Variants in DCDC1 observed in about 807,000 individuals in gnomAD.
DCDC1 encodes doublecortin domain containing 1.
A neutral mutation model predicts 178.3 loss-of-function variants in DCDC1; 200 were observed. The observed-to-expected ratio is 1.12, with a 90% CI of 1.00 to 1.26. The LOEUF (loss-of-function observed/expected upper bound fraction) is 1.26, where lower values mean the gene tolerates loss of function less well. DCDC1 is among the 50% of genes most tolerant of loss of function. The pLI, the probability that DCDC1 is intolerant of heterozygous loss-of-function variation, is 0.00. For missense variants in DCDC1, 1,983 were observed against 1,749.2 expected (o/e 1.13, Z -2.38); for synonymous variants, 690 against 604.8 (o/e 1.14, Z -2.07).
intron 3 of DCDC1, among the ~76,000 whole-genome samples, chr11:31,323,274 C>T (rs545703238): frequency 2.0e-5 from 3 of 152,190 alleles, no homozygotes; most frequent in Admixed American, 6.5e-5. Flanking sequence ...TAAGTTATCA[C>T]ACAATTTGGA....
At chr11:31,119,207 T>G (rs208073) in intron 11 of DCDC1, among the ~76,000 whole-genome samples, 90,152 of 152,030 alleles carry the variant, frequency 0.59, 27,175 homozygotes, top group East Asian at 0.93. Context: ...TCCAATATTT[T>G]CCTACTATCG....
rs187826304 is a variant in DCDC1 at position 31,146,103 on chromosome 11, C to T, written c.1222-8319G>A. Reference sequence around the variant, plus strand: ...TTTTTTTTTTTTTGAGAAGGAGTCTCGCTCTGTTGCCCAGACTAGAGTGCA... The same window carrying T: ...TTTTTTTTTTTTTGAGAAGGAGTCTTGCTCTGTTGCCCAGACTAGAGTGCA... On this transcript the variant is annotated intron_variant, in intron 9 of 38. Transcript: ENST00000684477. 7.7e-4 allele frequency among the ~76,000 whole-genome samples: 111 copies of T among 144,260 alleles called. 1 individual carries two copies. The East Asian group carries it at 0.011, about 15-fold the overall frequency. 94.6% of individuals were successfully genotyped at this position (144,260 alleles called of 152,430 possible). A position where few individuals can be genotyped will look rare whatever the true frequency, so the allele number is the denominator to read the frequency against.
At chr11:31,075,107 C>T (rs1341650493) in intron 18 of DCDC1, among the ~76,000 whole-genome samples, 1 of 152,148 alleles carries the variant, frequency 6.6e-6, no homozygotes, top group Non-Finnish European at 1.5e-5. Flanking sequence ...TCCATGTGTA[C>T]ACATTATTTA....
chr11:31,180,401 G>T (rs546629315), intron 9 of DCDC1, among the ~76,000 whole-genome samples: 3 of 152,254 alleles, frequency 2.0e-5, no homozygotes, highest in South Asian at 4.2e-4. Context: ...ATTAAATTGG[G>T]GGGCTGGCAA....
At chr11:30,939,863 T>G (rs994061527) in intron 21 of DCDC1, among the ~76,000 whole-genome samples, 9 of 152,204 alleles carry the variant, frequency 5.9e-5, no homozygotes, top group Non-Finnish European at 1.0e-4. Flanking sequence ...CTATGTTTAG[T>G]AGAATTTGTC....
intron 20 of DCDC1, among the ~76,000 whole-genome samples, chr11:31,052,839 C>G (rs543143736): frequency 6.6e-6 from 1 of 152,164 alleles, no homozygotes; most frequent in South Asian, 2.1e-4. Context: ...AAAGGCAGTG[C>G]TAAGAGGAAA....
At chr11:31,015,735 T>G (rs750291848) in intron 20 of DCDC1, among the ~76,000 whole-genome samples, 1 of 152,148 alleles carries the variant, frequency 6.6e-6, no homozygotes, top group Non-Finnish European at 1.5e-5. Flanking sequence ...TCAGTAGAAA[T>G]AGTTTTCTCT....
At chr11:31,324,062 C>T (rs916265965) in intron 3 of DCDC1, among the ~76,000 whole-genome samples, 1 of 152,084 alleles carries the variant, frequency 6.6e-6, no homozygotes, top group Admixed American at 6.6e-5. Context: ...GTTTTTCCAA[C>T]TGCAGAGCAA....
At chr11:30,948,488 G>A (rs1214368419) in intron 21 of DCDC1, among the ~76,000 whole-genome samples, 1 of 152,142 alleles carries the variant, frequency 6.6e-6, no homozygotes, top group Non-Finnish European at 1.5e-5. Context: ...TTTCTTCACA[G>A]AAGTAGAAAA....
intron 6 of DCDC1, among the ~76,000 whole-genome samples, chr11:31,294,626 GA>G (rs1947480335): frequency 1.3e-4 from 1 of 7,964 alleles, no homozygotes; most frequent in Non-Finnish European, 2.6e-4. Flanking sequence ...GAGGGGAGGG[GA>G]GGGAGGGAAG....
intron 9 of DCDC1, among the ~76,000 whole-genome samples, chr11:31,225,704 T>G (rs1974857086): frequency 6.7e-6 from 1 of 149,980 alleles, no homozygotes; most frequent in Admixed American, 6.7e-5. Context: ...TATATATATA[T>G]CTAGGTAGAT....
intron 20 of DCDC1, among the ~76,000 whole-genome samples, chr11:31,007,220 A>T (rs958124174): frequency 6.6e-6 from 1 of 152,244 alleles, no homozygotes; most frequent in Non-Finnish European, 1.5e-5. Context: ...TGGGACAAGA[A>T]AAGGAGTTTC....
chr11:30,957,402 A>C (rs577252412), intron 20 of DCDC1, among the ~76,000 whole-genome samples: 1 of 152,158 alleles, frequency 6.6e-6, no homozygotes, highest in Non-Finnish European at 1.5e-5. Flanking sequence ...TGAAACTCCA[A>C]TGAAACTGCC....
chr11:31,288,817 C>CT (rs1947020881), intron 7 of DCDC1, among the ~76,000 whole-genome samples: 1 of 151,780 alleles, frequency 6.6e-6, no homozygotes, highest in African/African-American at 2.4e-5. Context: ...ATCAACAACA[C>CT]TTTCAAAATT....
At chr11:31,048,265 T>A (rs987278488) in intron 20 of DCDC1, among the ~76,000 whole-genome samples, 3 of 152,198 alleles carry the variant, frequency 2.0e-5, no homozygotes, top group Admixed American at 2.0e-4. Flanking sequence ...GAGAAATTAA[T>A]GCATATTAGC....
chr11:31,345,458 A>C (rs983238885), intron 1 of DCDC1, among the ~76,000 whole-genome samples: 1 of 152,108 alleles, frequency 6.6e-6, no homozygotes, highest in Non-Finnish European at 1.5e-5. Flanking sequence ...CTATATTCAC[A>C]TGCATCCTGT....
At chr11:30,952,120 G>A (rs971900782) in intron 21 of DCDC1, among the ~76,000 whole-genome samples, 1 of 152,180 alleles carries the variant, frequency 6.6e-6, no homozygotes, top group African/African-American at 2.4e-5. Context: ...AGTGACTAGA[G>A]CTAGTGACAG....
At chr11:31,127,148 G>A (rs1961753450) in intron 11 of DCDC1, among the ~76,000 whole-genome samples, 1 of 152,150 alleles carries the variant, frequency 6.6e-6, no homozygotes, top group Non-Finnish European at 1.5e-5. Flanking sequence ...TTTAGAAACT[G>A]AAATATGCCA....
intron 9 of DCDC1, among the ~76,000 whole-genome samples, chr11:31,168,791 T>C (rs371551888): frequency 1.1e-5 from 1 of 93,682 alleles, no homozygotes; most frequent in African/African-American, 2.7e-5. Context: ...TAAATGTGAG[T>C]GTGTGTGTGT....
Sources: allele counts gnomAD v4.1 joint callset (sites outside exome capture counted in the v4.1 genomes callset), GRCh38; gene constraint gnomAD v4.1.1; transcripts MANE v1.5; gene names NCBI Gene and HGNC (gene_info 2026-07-23, HGNC 2026-07-21).